MYO5C: variants seen among roughly 807,000 people sequenced by gnomAD.
The protein encoded by MYO5C is myosin VC.
In MYO5C, 194 loss-of-function variants were observed where a neutral mutation model predicts 235.7. The observed-to-expected ratio is 0.82, with a 90% CI of 0.73 to 0.93. The LOEUF is 0.93. Ranked by LOEUF, MYO5C falls within the 40% of genes least tolerant of loss-of-function variation. The pLI is 0.00. For missense variants in MYO5C, 2,038 were observed against 2,127.2 expected (o/e 0.96, Z 0.82); for synonymous variants, 707 against 754.8 (o/e 0.94, Z 1.04).
chr15:52,256,587 A>ACGCACGCGCGCGCGCG lies in MYO5C; in HGVS notation c.1395+51_1395+52insCGCGCGCGCGCGTGCG. On this transcript the variant is annotated intron_variant, in intron 11 of 40. Transcript: ENST00000261839. ...AACACACACACACACACACACACAC[A>ACGCACGCGCGCGCGCG]CGCGCGCGCGCGCGGCTGAGAACTA... 4 of 564,336 alleles carry ACGCACGCGCGCGCGCG rather than the reference A, an allele frequency of 7.1e-6. No individual in the cohort carries two copies. The South Asian group carries it at 8.1e-5, about 11-fold the overall frequency. The allele number at this position is 564,336 out of a possible 1,614,324, so 35.0% of individuals were successfully genotyped here.
intron 20 of MYO5C, among the ~76,000 whole-genome samples, chr15:52,240,570 A>C (rs180741663): frequency 1.1e-4 from 17 of 150,718 alleles, no homozygotes; most frequent in Admixed American, 8.0e-4. Flanking sequence ...AAAAGAAAAA[A>C]AAAAAAGAAA....
chr15:52,272,734 TAA>T lies in MYO5C; in HGVS notation c.607-13_607-12del. 6.2e-7 allele frequency: 1 copy of T among 1,608,954 alleles called. No homozygotes were observed. Among genetic ancestry groups the T allele is most frequent in the East Asian group, 2.2e-5 (1 of 44,868 alleles). On this transcript the variant is annotated splice_polypyrimidine_tract_variant and intron_variant, in intron 5 of 40. Coordinates refer to ENST00000261839, the MANE Select transcript of MYO5C (RefSeq NM_018728.4). Reference sequence around the variant, plus strand: ...GGCATTTCCAACGGCCTAAAAAAAATAAGACTCTATTGAAATAACAACATTAA... The same window carrying T: ...GGCATTTCCAACGGCCTAAAAAAAATGACTCTATTGAAATAACAACATTAA...
chr15:52,286,548 G>C (rs1227619643), intron 1 of MYO5C, among the ~76,000 whole-genome samples: 1 of 152,174 alleles, frequency 6.6e-6, no homozygotes, highest in Non-Finnish European at 1.5e-5. Flanking sequence ...TGCCGTGTCT[G>C]TGTAGAAAGA....
chr15:52,234,624 A>G lies in MYO5C; in HGVS notation c.2962+1046T>C, dbSNP rs145766091. Among the ~76,000 whole-genome samples, 174 of 152,262 alleles carry G rather than the reference A, an allele frequency of 1.1e-3. 1 individual carries two copies. The highest frequency in any genetic ancestry group is 3.7e-3 in the African/African-American group (155 of 41,556). On this transcript the variant is annotated intron_variant, in intron 23 of 40. Coordinates refer to ENST00000261839, the MANE Select transcript of MYO5C (RefSeq NM_018728.4). ...GCTCCTGTTCATCTCTGACATTCAC[A>G]TGGCTTCTGTGCCCACACCATCAGC...
intron 1 of MYO5C, among the ~76,000 whole-genome samples, chr15:52,286,254 G>C (rs553433767): frequency 6.7e-6 from 1 of 148,492 alleles, no homozygotes; most frequent in African/African-American, 2.5e-5. Context: ...CAGCCGCCTC[G>C]TCTGGGAGGG....
Position 52,194,043 on chromosome 15 carries a change from A to G in MYO5C, c.5088T>C (p.Asn1696=), listed in dbSNP as rs2034992919. Residue 1696 remains asparagine (N), a synonymous_variant, in exon 41 of 41, where the codon AAT becomes AAC. Transcript: ENST00000261839. The part of the protein sequence containing the change: ...SFVRKVQALL[N]SREDSSQLML... ...TCAGCTGTGATGAATCCTCCCGGCTATTTAGGAGAGCCTGAAATTAGAATC... is the reference window on the plus strand; with the variant it reads ...TCAGCTGTGATGAATCCTCCCGGCTGTTTAGGAGAGCCTGAAATTAGAATC... 1 of 1,609,854 alleles carries G rather than the reference A, an allele frequency of 6.2e-7. No individual in the cohort carries two copies. The highest frequency in any genetic ancestry group is 8.5e-7 in the Non-Finnish European group (1 of 1,178,942).
chr15:52,284,009 T>C (rs146374581), intron 1 of MYO5C, among the ~76,000 whole-genome samples: 90 of 152,266 alleles, frequency 5.9e-4, no homozygotes, highest in African/African-American at 2.1e-3. Context: ...AAGAGACACC[T>C]GAGAGTTTGA....
intron 23 of MYO5C, among the ~76,000 whole-genome samples, chr15:52,233,311 A>AAAAT (rs1566972118): frequency 7.9e-5 from 1 of 12,720 alleles, no homozygotes; most frequent in African/African-American, 1.2e-4. Context: ...AAAAAAAAAA[A>AAAAT]AAATAAATAA....
At chr15:52,251,572 G>T in intron 12 of MYO5C, 57 bp from the exon 13 acceptor site, 3 of 1,449,788 alleles carry the variant, frequency 2.1e-6, no homozygotes, top group East Asian at 2.5e-5. Flanking sequence ...TCATACAGGT[G>T]AGGAAAAGCA....
Position 52,282,173 on chromosome 15 carries a change from C to T in MYO5C, c.138+609G>A, listed in dbSNP as rs1026930624. On this transcript the variant is annotated intron_variant, in intron 2 of 40. Coordinates refer to ENST00000261839, the MANE Select transcript of MYO5C (RefSeq NM_018728.4). ...TCATCCTCACCTCCCCCTCACCACA[C>T]CAGCACCAACAGAGGCACCTCATAA... 2.6e-5 allele frequency among the ~76,000 whole-genome samples: 4 copies of T among 152,210 alleles called. No individual in the cohort carries two copies. In the South Asian group the frequency reaches 8.3e-4, roughly 32 times the overall value.
Position 52,256,740 on chromosome 15 carries a change from A to T in MYO5C, c.1314-20T>A. 1 of 1,574,914 alleles carries T rather than the reference A, an allele frequency of 6.3e-7. No individual in the cohort carries two copies. Among genetic ancestry groups the T allele is most frequent in the Non-Finnish European group, 8.7e-7 (1 of 1,145,460 alleles). ...TCAAAACTGAAATACAATTTAAACA[A>T]GTTAAAATATAACCTGAAGCAAGAC... On this transcript the variant is annotated intron_variant, in intron 10 of 40. Coordinates refer to ENST00000261839, the MANE Select transcript of MYO5C (RefSeq NM_018728.4).
chr15:52,213,050 T>C (rs2035480963), intron 34 of MYO5C, 138 bp downstream of exon 34: 2 of 638,248 alleles, frequency 3.1e-6, no homozygotes, highest in Non-Finnish European at 5.6e-6. Context: ...AGTGCTGAGG[T>C]TGAGAAACTC....
rs765245420 is a variant in MYO5C, at chr15:52,237,511, C to A, written c.2839G>T (p.Gly947Trp). 6.2e-7 allele frequency: 1 copy of A among 1,614,182 alleles called. No individual in the cohort carries two copies. Among genetic ancestry groups the A allele is most frequent in the East Asian group, 2.2e-5 (1 of 44,884 alleles). ...TCCACAGCATCCCTGTATCTCTTCC[C>A]CTTCTCCTCGTAATTTCGCCTGTGA... The part of the protein sequence containing the change: ...ATHRRNYEEK[G>W]KRYRDAVEEK... Residue 947 changes from glycine (G) to tryptophan (W), a missense_variant, in exon 22 of 41, where the codon GGG becomes TGG. Coordinates refer to ENST00000261839, the MANE Select transcript of MYO5C (RefSeq NM_018728.4).
rs753041109 is a variant in MYO5C, at chr15:52,295,585, C to T, written c.27+25G>A. The T allele has an allele frequency of 2.0e-6, 3 of 1,500,766 alleles. No individual in the cohort carries two copies. The South Asian group carries it at 3.8e-5, about 19-fold the overall frequency. 93.0% of individuals were successfully genotyped at this position (1,500,766 alleles called of 1,614,324 possible). ...CAGGGCCGGCTCCCCCACAGCGCTC[C>T]CAGGAGCCCAGCGGACCCTCCTACC... On this transcript the variant is annotated intron_variant, in intron 1 of 40. Transcript: ENST00000261839.
rs190400997 is a variant in MYO5C, at chr15:52,235,655, C to T, written c.2962+15G>A. On this transcript the variant is annotated intron_variant, in intron 23 of 40. Transcript: ENST00000261839. ...AAATCAGTGAATGTCTGGATTTGTG[C>T]CCCCCAAGCTTTACCTTTTAACTCT... is the stretch of plus-strand genomic sequence containing the variant. 46 of 1,581,654 alleles carry T rather than the reference C, an allele frequency of 2.9e-5. No individual in the cohort carries two copies. The African/African-American group carries it at 3.9e-4, about 13-fold the overall frequency.
rs776093476 is a variant in MYO5C, at chr15:52,246,983, G to A, written c.1913C>T (p.Thr638Ile). The A allele has an allele frequency of 6.2e-7, 1 of 1,614,030 alleles. No homozygotes were observed. Among genetic ancestry groups the A allele is most frequent in the South Asian group, 1.1e-5 (1 of 91,058 alleles). The change falls in exon 16 of 41, where the codon ACC (threonine) becomes ATC (isoleucine). Residue 638 changes from threonine (T) to isoleucine (I), a missense_variant. Physicochemically the swap from Thr to Ile is moderately conservative, Grantham distance 89 (BLOSUM62 -1). Transcript: ENST00000261839. ...GTAGTGGGGCGTCGTCGCATTGAGG[G>A]TCTCCATGAGCAAGTACAGAGAGCT... ...FRSSLYLLME[T>I]LNATTPHYVR...
At chr15:52,261,232 TGAG>T in intron 9 of MYO5C, 105 bp from the exon 10 acceptor site, 1 of 1,359,436 alleles carries the variant, frequency 7.4e-7, no homozygotes, top group Non-Finnish European at 9.9e-7. Flanking sequence ...GTGCAAGAGC[TGAG>T]TAGTAGCTGG....
In MYO5C at chr15:52,239,861, C is replaced by T; in HGVS notation, c.2575G>A (p.Ala859Thr). Residue 859 changes from alanine (A) to threonine (T), a missense_variant, in exon 21 of 41, where the codon GCT becomes ACT. Coordinates refer to ENST00000261839, the MANE Select transcript of MYO5C (RefSeq NM_018728.4). ...RYRKMLEEHK[A>T]VILQKYARAW... is the part of the protein sequence containing the mutation. ...CGTGCGTATTTCTGTAGGATCACAG[C>T]CTTATGTTCCTCCAGCATCTTTAAA... The T allele has an allele frequency of 6.2e-7, 1 of 1,610,854 alleles. No individual in the cohort carries two copies. The highest frequency in any genetic ancestry group is 1.1e-5 in the South Asian group (1 of 90,484).
chr15:52,281,076 G>C (rs1372111346), intron 2 of MYO5C, among the ~76,000 whole-genome samples: 3 of 152,146 alleles, frequency 2.0e-5, no homozygotes, highest in Non-Finnish European at 4.4e-5. Context: ...CAGGAAAAAT[G>C]CTTCTCATAC....
Sources: gnomAD v4.1 joint callset for allele counts (sites outside exome capture counted in the v4.1 genomes callset) on GRCh38, gnomAD v4.1.1 for gene constraint, MANE v1.5 for transcripts, NCBI Gene and HGNC (gene_info 2026-07-23, HGNC 2026-07-21) for gene names.